NEDD4L: variants seen among roughly 807,000 people sequenced by gnomAD.
NEDD4L encodes NEDD4 like E3 ubiquitin protein ligase, also known as E3 ubiquitin-protein ligase NEDD4-like.
A neutral mutation model predicts 148.9 loss-of-function variants in NEDD4L; 54 were observed. That is an observed-to-expected ratio of 0.36 (90% CI 0.29 to 0.45). The LOEUF (loss-of-function observed/expected upper bound fraction) is 0.45, where lower values mean the gene tolerates loss of function less well. Ranked by LOEUF, NEDD4L falls within the 20% of genes least tolerant of loss-of-function variation. The probability of loss-of-function intolerance (pLI) is 1.00; values close to 1 mark genes in which losing one functional copy is unlikely to be tolerated. For missense variants in NEDD4L, 856 were observed against 1,233.8 expected (o/e 0.69, Z 4.59); for synonymous variants, 433 against 440.7 (o/e 0.98, Z 0.22).
intron 6 of NEDD4L, among the ~76,000 whole-genome samples, chr18:58,317,576 C>G (rs950003445): frequency 6.6e-6 from 1 of 152,170 alleles, no homozygotes; most frequent in Non-Finnish European, 1.5e-5. Context: ...CTGACAAGCT[C>G]TTTTTTGAGT....
rs184447800 is a variant in NEDD4L at position 58,354,302 on chromosome 18, A to G, written c.1709-2892A>G. On this transcript the variant is annotated intron_variant, in intron 18 of 30. Coordinates refer to ENST00000400345, the MANE Select transcript of NEDD4L (RefSeq NM_001144967.3). The stretch of plus-strand genomic sequence containing the variant: ...AATTCCAGTGATTTTGTAAAGTCCT[A>G]TTTTAGTCTTTCCTGTCAACAGTCT... 3.3e-4 allele frequency among the ~76,000 whole-genome samples: 51 copies of G among 152,300 alleles called. 1 individual carries two copies. The highest frequency in any genetic ancestry group is 9.6e-4 in the East Asian group (5 of 5,186).
intron 25 of NEDD4L, among the ~76,000 whole-genome samples, chr18:58,384,917 A>G (rs978005524): frequency 5.3e-5 from 8 of 152,246 alleles, no homozygotes; most frequent in African/African-American, 1.9e-4. Flanking sequence ...ACACTGTCGC[A>G]GGGAACTTGG....
chr18:58,358,368 C>T (rs954925646), intron 19 of NEDD4L, among the ~76,000 whole-genome samples: 2 of 152,074 alleles, frequency 1.3e-5, no homozygotes, highest in African/African-American at 2.4e-5. Flanking sequence ...CTGATGCTTC[C>T]TTTTGATATA....
chr18:58,147,795 G>C (rs1169229872), intron 1 of NEDD4L, among the ~76,000 whole-genome samples: 3 of 152,138 alleles, frequency 2.0e-5, no homozygotes, highest in Non-Finnish European at 2.9e-5. Flanking sequence ...TTGGGGCTTT[G>C]AATGCCCTTT....
rs145003704 is a variant in NEDD4L, at chr18:58,396,629, T to G, written c.*360T>G. 1.4e-4 allele frequency: 22 copies of G among 157,360 alleles called. 1 individual carries two copies. The East Asian group carries it at 4.0e-3, about 29-fold the overall frequency. The allele number at this position is 157,360 out of a possible 1,614,324, so 9.7% of individuals were successfully genotyped here. A position where few individuals can be genotyped will look rare whatever the true frequency, so the allele number is the denominator to read the frequency against. On this transcript the variant is annotated 3_prime_UTR_variant, in exon 31 of 31. Coordinates refer to ENST00000400345, the MANE Select transcript of NEDD4L (RefSeq NM_001144967.3). ...AACAGGTATAGTATTACGACTCATG[T>G]TTACTTTTTAAAATGATTTAGACCG...
At chr18:58,326,596 T>A (rs967109099) in intron 9 of NEDD4L, among the ~76,000 whole-genome samples, 1 of 152,216 alleles carries the variant, frequency 6.6e-6, no homozygotes, top group Non-Finnish European at 1.5e-5. Flanking sequence ...TTGGTAGCAA[T>A]ATCCTAAGCA....
In NEDD4L at chr18:58,227,698, C is replaced by A. The variant is rs73454620; in HGVS notation, c.123-17729C>A. 699 of 160,082 alleles carry A rather than the reference C, an allele frequency of 4.4e-3. 5 individuals are homozygous for A. Among genetic ancestry groups the A allele is most frequent in the African/African-American group, 0.015 (616 of 41,622 alleles). The allele number at this position is 160,082 out of a possible 1,614,324, so 9.9% of individuals were successfully genotyped here. A position where few individuals can be genotyped will look rare whatever the true frequency, so the allele number is the denominator to read the frequency against. ...TTTACCCACTGTGGGTTTTTCCTAC[C>A]TAATTGCCCCTCTGGTTTTCAGTGT... On this transcript the variant is annotated intron_variant, in intron 2 of 30. Transcript: ENST00000400345.
chr18:58,233,352 C>A (rs531979307), intron 2 of NEDD4L, among the ~76,000 whole-genome samples: 2 of 152,122 alleles, frequency 1.3e-5, no homozygotes, highest in African/African-American at 4.8e-5. Flanking sequence ...TCCACATGGC[C>A]GGGGAGGCCT....
In NEDD4L at chr18:58,330,553, A is replaced by G. The variant is rs115040413; in HGVS notation, c.814-185A>G. Among the ~76,000 whole-genome samples, 749 of 152,216 alleles carry G rather than the reference A, an allele frequency of 4.9e-3. 8 individuals carry two copies. Among genetic ancestry groups the G allele is most frequent in the African/African-American group, 0.017 (726 of 41,518 alleles). ...TTATTTTCTGTGCCTCAGTTTCCTCATCTGTTAATTGGGGGAGTTATCTTC... is the reference window on the plus strand; with the variant it reads ...TTATTTTCTGTGCCTCAGTTTCCTCGTCTGTTAATTGGGGGAGTTATCTTC... On this transcript the variant is annotated intron_variant, in intron 10 of 30. Transcript: ENST00000400345.
At chr18:58,285,757 A>G (rs1191821106) in intron 5 of NEDD4L, among the ~76,000 whole-genome samples, 1 of 152,198 alleles carries the variant, frequency 6.6e-6, no homozygotes, top group South Asian at 2.1e-4. Context: ...TAACATTCAA[A>G]TGCTTTTGAT....
At chr18:58,122,003 A>AAGGG (rs2029998929) in intron 1 of NEDD4L, among the ~76,000 whole-genome samples, 2 of 152,226 alleles carry the variant, frequency 1.3e-5, no homozygotes, top group Admixed American at 1.3e-4. Flanking sequence ...GAACTTGAGA[A>AAGGG]ATTTCAACTC....
intron 6 of NEDD4L, 63 bp from the exon 7 acceptor site, chr18:58,322,362 C>A (rs914522561): frequency 9.0e-7 from 1 of 1,107,870 alleles, no homozygotes; most frequent in Non-Finnish European, 1.4e-6. Flanking sequence ...ATCCAGTTGC[C>A]TGTATCTAAA....
intron 1 of NEDD4L, among the ~76,000 whole-genome samples, chr18:58,143,595 C>T (rs953970563): frequency 2.6e-5 from 4 of 152,302 alleles, no homozygotes; most frequent in South Asian, 4.1e-4. Context: ...AGAGGGAGAG[C>T]GCAGCAGGAT....
chr18:58,345,923 G>GGT (rs2042989047), intron 16 of NEDD4L, among the ~76,000 whole-genome samples: 1 of 135,992 alleles, frequency 7.4e-6, no homozygotes, highest in Non-Finnish European at 1.6e-5. Flanking sequence ...GTTGTTTTTT[G>GGT]TTTTTTGTTT....
chr18:58,281,332 A>G (rs1348916683), intron 5 of NEDD4L, among the ~76,000 whole-genome samples: 1 of 151,580 alleles, frequency 6.6e-6, no homozygotes, highest in Non-Finnish European at 1.5e-5. Flanking sequence ...TAAACTGGAA[A>G]GGATAGCTGT....
intron 1 of NEDD4L, among the ~76,000 whole-genome samples, chr18:58,078,647 A>G (rs887093237): frequency 6.6e-6 from 1 of 152,228 alleles, no homozygotes; most frequent in African/African-American, 2.4e-5. Flanking sequence ...ACGTTTGACT[A>G]GTTTTTAGGA....
Position 58,305,821 on chromosome 18 carries a change from C to T in NEDD4L, c.298-10161C>T, listed in dbSNP as rs78909023. On this transcript the variant is annotated intron_variant, in intron 5 of 30. Transcript: ENST00000400345. ...GTGGAAAGAAGGAATTTTTCTTTTCCATTGCTGTCATCTAAAATTGTTGTG... is the reference window on the plus strand; with the variant it reads ...GTGGAAAGAAGGAATTTTTCTTTTCTATTGCTGTCATCTAAAATTGTTGTG... Among the ~76,000 whole-genome samples the T allele has an allele frequency of 1.2e-3, 177 of 150,268 alleles. 1 individual carries two copies. Among genetic ancestry groups the T allele is most frequent in the Non-Finnish European group, 7.1e-4 (48 of 67,464 alleles).
At chr18:58,193,523 A>G (rs183558663) in intron 2 of NEDD4L, among the ~76,000 whole-genome samples, 18 of 152,298 alleles carry the variant, frequency 1.2e-4, no homozygotes, top group Admixed American at 6.5e-4. Flanking sequence ...AATTACTGGT[A>G]TCGTTTTAGA....
At chr18:58,084,313 ATATTCT>A (rs2083634089) in intron 1 of NEDD4L, among the ~76,000 whole-genome samples, 1 of 152,210 alleles carries the variant, frequency 6.6e-6, no homozygotes, top group Non-Finnish European at 1.5e-5. Flanking sequence ...AAGTGATGAA[ATATTCT>A]TAGATTATGA....
Sources: gnomAD v4.1 joint callset for allele counts (sites outside exome capture counted in the v4.1 genomes callset) on GRCh38, gnomAD v4.1.1 for gene constraint, MANE v1.5 for transcripts, NCBI Gene and HGNC (gene_info 2026-07-23, HGNC 2026-07-21) for gene names.